The following TSHZ2 variants were observed in gnomAD, a reference collection of about 807,000 sequenced individuals.
The protein encoded by TSHZ2 is teashirt zinc finger homeobox 2, also known as teashirt homolog 2.
A neutral mutation model predicts 74.4 loss-of-function variants in TSHZ2; 21 were observed. The observed-to-expected ratio is 0.28, with a 90% CI of 0.20 to 0.41. TSHZ2 has a LOEUF of 0.41. Ranked by LOEUF, TSHZ2 falls within the 10% of genes least tolerant of loss-of-function variation. TSHZ2 has a pLI of 1.00. For synonymous variants in TSHZ2, 540 were observed against 515.3 expected (o/e 1.05, Z -0.65); for missense variants, 1,244 against 1,293.5 (o/e 0.96, Z 0.59).
chr20:53,282,643 T>C (rs1991086949), intron 2 of TSHZ2, among the ~76,000 whole-genome samples: 1 of 152,232 alleles, frequency 6.6e-6, no homozygotes, highest in Non-Finnish European at 1.5e-5. Flanking sequence ...TGACCATGAC[T>C]GACAGGTGAC....
rs1288336548 is a variant in TSHZ2 at position 53,074,100 on chromosome 20, GTC to G, written c.40+100772_40+100773del. Among the ~76,000 whole-genome samples, 3 of 152,178 alleles carry G rather than the reference GTC, an allele frequency of 2.0e-5. No homozygotes were observed. Among genetic ancestry groups the G allele is most frequent in the African/African-American group, 7.2e-5 (3 of 41,442 alleles). On this transcript the variant is annotated intron_variant, in intron 1 of 2. Transcript: ENST00000371497. The surrounding 1 kb of genome is among the most constrained non-coding windows in gnomAD (Gnocchi z 5.9). ...TTGTAAAAGACATGTACATACAACT[GTC>G]TCTCACCTTCATGACATCCTTGGTG... is the stretch of plus-strand genomic sequence containing the variant.
intron 2 of TSHZ2, among the ~76,000 whole-genome samples, chr20:53,466,275 A>G (rs1985561223): frequency 6.6e-6 from 1 of 151,530 alleles, no homozygotes. Flanking sequence ...AAAAAAAAAG[A>G]AAGAGAAAAA....
chr20:53,384,182 A>C (rs991917364), intron 2 of TSHZ2, among the ~76,000 whole-genome samples: 1 of 152,192 alleles, frequency 6.6e-6, no homozygotes, highest in Non-Finnish European at 1.5e-5. Flanking sequence ...TCTTCCAGAA[A>C]CAGGGAAATT....
chr20:53,330,272 G>A (rs1979673007), intron 2 of TSHZ2, among the ~76,000 whole-genome samples: 4 of 152,120 alleles, frequency 2.6e-5, no homozygotes, highest in South Asian at 2.1e-4. Flanking sequence ...CACCCTTTCC[G>A]AAGCTTCCCC....
At chr20:53,346,702 A>T (rs1980454094) in intron 2 of TSHZ2, among the ~76,000 whole-genome samples, 1 of 152,194 alleles carries the variant, frequency 6.6e-6, no homozygotes, top group Non-Finnish European at 1.5e-5. Context: ...AAGAGGTGGA[A>T]GTGTCCGTCT....
intron 2 of TSHZ2, among the ~76,000 whole-genome samples, chr20:53,319,828 G>A (rs73911292): frequency 0.013 from 2,049 of 152,310 alleles, 48 homozygotes; most frequent in African/African-American, 0.047. Flanking sequence ...AACACATGTG[G>A]CCATTATTCC....
chr20:53,093,494 C>G (rs984670929), intron 1 of TSHZ2, among the ~76,000 whole-genome samples: 4 of 152,228 alleles, frequency 2.6e-5, no homozygotes, highest in Non-Finnish European at 4.4e-5. Context: ...CCTTCACTCT[C>G]GCTGGGTGGG....
At chr20:52,973,480 C>A (rs1981209004) in intron 1 of TSHZ2, 147 bp downstream of exon 1, 1 of 1,060,010 alleles carries the variant, frequency 9.4e-7, no homozygotes, top group East Asian at 2.7e-5. Flanking sequence ...CGTCCTCTCT[C>A]GCCTTCTCTG....
At chr20:53,030,492 G>T (rs1983596018) in intron 1 of TSHZ2, among the ~76,000 whole-genome samples, 2 of 152,194 alleles carry the variant, frequency 1.3e-5, no homozygotes, top group Admixed American at 1.3e-4. Flanking sequence ...GAAGGTTTTA[G>T]GTTGCTGTAT....
intron 2 of TSHZ2, among the ~76,000 whole-genome samples, chr20:53,355,035 A>G (rs1259670622): frequency 6.6e-6 from 1 of 152,224 alleles, no homozygotes; most frequent in East Asian, 1.9e-4. Flanking sequence ...TCAATAGAAT[A>G]TGTATTCATT....
chr20:53,329,443 G>A (rs1208737354), intron 2 of TSHZ2, among the ~76,000 whole-genome samples: 1 of 152,134 alleles, frequency 6.6e-6, no homozygotes, highest in Non-Finnish European at 1.5e-5. Flanking sequence ...ATCTAGCATC[G>A]AAAACCATTT....
intron 1 of TSHZ2, among the ~76,000 whole-genome samples, chr20:53,089,558 AGATTTGC>A (rs1159162273): frequency 6.6e-6 from 1 of 152,172 alleles, no homozygotes; most frequent in Non-Finnish European, 1.5e-5. Flanking sequence ...GACTGAGAAA[AGATTTGC>A]CCTTGAGAAA....
intron 1 of TSHZ2, among the ~76,000 whole-genome samples, chr20:53,060,669 G>A (rs566415777): frequency 2.0e-5 from 3 of 152,298 alleles, no homozygotes; most frequent in East Asian, 3.9e-4. Context: ...TTATACTTAC[G>A]TAGTAAAAAT....
intron 2 of TSHZ2, among the ~76,000 whole-genome samples, chr20:53,340,184 C>CTTTTT (rs557613827): frequency 2.7e-5 from 3 of 109,870 alleles, no homozygotes; most frequent in African/African-American, 7.0e-5. Context: ...TTTCTTTTTT[C>CTTTTT]TTTTTTTTTT....
chr20:53,314,287 C>CAAAAAAAAAAAAAAAAAAAAA (rs5841941), intron 2 of TSHZ2, among the ~76,000 whole-genome samples: 5 of 131,742 alleles, frequency 3.8e-5, no homozygotes, highest in Middle Eastern at 3.8e-3. Flanking sequence ...GACTCTGTCT[C>CAAAAAAAAAAAAAAAAAAAAA]AAAAAAAAAA....
At chr20:53,162,549 C>T (rs141581453) in intron 1 of TSHZ2, among the ~76,000 whole-genome samples, 4 of 152,278 alleles carry the variant, frequency 2.6e-5, no homozygotes, top group Admixed American at 6.5e-5. Flanking sequence ...CAAAAAATTA[C>T]GTCAAGTGCT....
chr20:53,414,484 G>T (rs1329145704), intron 2 of TSHZ2, among the ~76,000 whole-genome samples: 1 of 151,966 alleles, frequency 6.6e-6, no homozygotes. Flanking sequence ...AGCCAGGCGT[G>T]GTGGCACACA....
At chr20:53,084,300 A>G (rs1985624442) in intron 1 of TSHZ2, among the ~76,000 whole-genome samples, 1 of 152,212 alleles carries the variant, frequency 6.6e-6, no homozygotes, top group Non-Finnish European at 1.5e-5. Flanking sequence ...TGTTGGAATT[A>G]TATTGTATTA....
rs200401979 is a variant in TSHZ2, at chr20:53,491,079, A to AC, written c.*3948dup. 1.4e-4 allele frequency: 13 copies of AC among 93,710 alleles called. No individual in the cohort carries two copies. The highest frequency in any genetic ancestry group is 2.6e-4 in the Non-Finnish European group (12 of 45,810). 5.8% of individuals were successfully genotyped at this position (93,710 alleles called of 1,614,324 possible). On this transcript the variant is annotated 3_prime_UTR_variant, in exon 3 of 3. Transcript: ENST00000371497. The stretch of plus-strand genomic sequence containing the variant: ...GCTTTTGTTTAAAAAAAAAAAAAAA[A>AC]CCCCAAATGTCATTTTTCACATTAT...
Sources: gnomAD v4.1 joint callset for allele counts (sites outside exome capture counted in the v4.1 genomes callset) on GRCh38, gnomAD v4.1.1 for gene constraint, Gnocchi (gnomAD v3.1) non-coding constraint, MANE v1.5 for transcripts, NCBI Gene and HGNC (gene_info 2026-07-23, HGNC 2026-07-21) for gene names.